Variants in CCDC178 observed in about 807,000 individuals in gnomAD.
The protein encoded by CCDC178 is coiled-coil domain containing 178.
CCDC178 carries 126 observed loss-of-function variants against 117.4 expected under a neutral mutation model. That is an observed-to-expected ratio of 1.07 (90% confidence interval 0.93 to 1.24). The LOEUF is 1.24. CCDC178 is among the 50% of genes most tolerant of loss of function. The pLI is 0.00. For missense variants in CCDC178, 1,030 were observed against 986.9 expected, an observed-to-expected ratio of 1.04 and a Z score of -0.59; for synonymous variants, 283 against 313.4, an observed-to-expected ratio of 0.90 and a Z score of 1.02.
At chr18:33,067,286 C>CA (rs2057033592) in intron 21 of CCDC178, among the ~76,000 whole-genome samples, 4 of 151,980 alleles carry the variant, frequency 2.6e-5, no homozygotes, top group Admixed American at 2.6e-4. Context: ...AGACAGATGT[C>CA]AAAAAATCTC....
intron 12 of CCDC178, among the ~76,000 whole-genome samples, chr18:33,292,687 A>G (rs866353941): frequency 6.6e-6 from 1 of 152,042 alleles, no homozygotes; most frequent in Admixed American, 6.6e-5. Context: ...CCCTTATAAA[A>G]ATGTACAATT....
At chr18:33,085,619 G>A (rs1277786837) in intron 21 of CCDC178, among the ~76,000 whole-genome samples, 1 of 152,110 alleles carries the variant, frequency 6.6e-6, no homozygotes, top group African/African-American at 2.4e-5. Context: ...GAGTTGTTCA[G>A]AGAATGAAAT....
chr18:32,990,199 A>G (rs1288965608), intron 21 of CCDC178, among the ~76,000 whole-genome samples: 4 of 152,136 alleles, frequency 2.6e-5, no homozygotes, highest in African/African-American at 4.8e-5. Flanking sequence ...ATTTTTCACA[A>G]ATTAATCTAC....
intron 21 of CCDC178, among the ~76,000 whole-genome samples, chr18:32,982,102 A>C (rs961906189): frequency 6.6e-6 from 1 of 152,118 alleles, no homozygotes; most frequent in African/African-American, 2.4e-5. Flanking sequence ...TCTGTGTCTT[A>C]CAGAACATAA....
At chr18:33,285,092 TTTC>T (rs966007722) in intron 12 of CCDC178, among the ~76,000 whole-genome samples, 2 of 152,128 alleles carry the variant, frequency 1.3e-5, no homozygotes, top group Admixed American at 6.5e-5. Flanking sequence ...CTAAAAATCG[TTTC>T]TTTTTAAATA....
In CCDC178 at chr18:33,115,587, A is replaced by G. The variant is rs144937371; in HGVS notation, c.2239-22677T>C. ...TTAGTAATCACCGAACAAAGATTGT[A>G]TTTTTCTTCATACAGCCTTAAAAAT... On this transcript the variant is annotated intron_variant, in intron 20 of 22. Transcript: ENST00000383096. 3.7e-3 allele frequency among the ~76,000 whole-genome samples: 560 copies of G among 152,090 alleles called. 8 individuals carry two copies. Among genetic ancestry groups the G allele is most frequent in the African/African-American group, 0.013 (547 of 41,522 alleles).
intron 21 of CCDC178, among the ~76,000 whole-genome samples, chr18:33,062,181 A>G (rs1161013935): frequency 1.3e-5 from 2 of 152,210 alleles, no homozygotes; most frequent in East Asian, 3.9e-4. Flanking sequence ...TTCTTCATCT[A>G]GCAAAACAGA....
At chr18:33,388,017 A>C (rs949656343) in intron 5 of CCDC178, among the ~76,000 whole-genome samples, 1 of 152,162 alleles carries the variant, frequency 6.6e-6, no homozygotes, top group African/African-American at 2.4e-5. Flanking sequence ...ATTTACAAGA[A>C]ATAAACAAAC....
chr18:33,084,741 G>A (rs1334083215), intron 21 of CCDC178, among the ~76,000 whole-genome samples: 2 of 151,586 alleles, frequency 1.3e-5, no homozygotes, highest in Non-Finnish European at 2.9e-5. Flanking sequence ...GAACCCAGAG[G>A]AGGAGGTTGC....
intron 21 of CCDC178, among the ~76,000 whole-genome samples, chr18:33,066,943 C>T (rs2057027207): frequency 6.6e-6 from 1 of 152,094 alleles, no homozygotes; most frequent in Non-Finnish European, 1.5e-5. Context: ...TTGGAAAAAT[C>T]ATCGAGACAA....
chr18:33,375,705 G>A (rs1181740485), intron 5 of CCDC178, among the ~76,000 whole-genome samples: 2 of 152,168 alleles, frequency 1.3e-5, no homozygotes, highest in Non-Finnish European at 2.9e-5. Flanking sequence ...GGAGCTTCAA[G>A]ATGGAAGAGA....
intron 20 of CCDC178, among the ~76,000 whole-genome samples, chr18:33,147,394 T>C (rs1370062027): frequency 7.3e-6 from 1 of 136,296 alleles, no homozygotes; most frequent in Non-Finnish European, 1.6e-5. Context: ...TATTTATTGA[T>C]CATTCTTGGG....
chr18:32,966,904 G>GTTA (rs2144675055), intron 22 of CCDC178, among the ~76,000 whole-genome samples: 1 of 151,732 alleles, frequency 6.6e-6, no homozygotes, highest in Admixed American at 6.6e-5. Flanking sequence ...GTTAATTATG[G>GTTA]TTAGAAAATA....
At chr18:33,005,458 G>A (rs188217977) in intron 21 of CCDC178, among the ~76,000 whole-genome samples, 5 of 151,960 alleles carry the variant, frequency 3.3e-5, no homozygotes, top group Non-Finnish European at 7.4e-5. Flanking sequence ...GTTACCAAAG[G>A]CTAGGAAGGT....
chr18:33,415,583 A>G (rs557515657), intron 2 of CCDC178, among the ~76,000 whole-genome samples: 53 of 152,224 alleles, frequency 3.5e-4, no homozygotes, highest in African/African-American at 1.3e-3. Context: ...GCATTAGGAG[A>G]TATACCTAAT....
chr18:33,330,695 C>A (rs913097147), intron 10 of CCDC178, among the ~76,000 whole-genome samples: 2 of 152,046 alleles, frequency 1.3e-5, no homozygotes, highest in Non-Finnish European at 2.9e-5. Flanking sequence ...AGTCCAAAAT[C>A]TGCAGGGTAG....
intron 12 of CCDC178, among the ~76,000 whole-genome samples, chr18:33,288,133 C>T (rs937194837): frequency 3.3e-5 from 5 of 152,106 alleles, no homozygotes; most frequent in African/African-American, 1.2e-4. Context: ...ACTCTCTACA[C>T]TCCAGGTCAC....
At chr18:33,131,554 T>C (rs1156726011) in intron 20 of CCDC178, among the ~76,000 whole-genome samples, 1 of 151,788 alleles carries the variant, frequency 6.6e-6, no homozygotes, top group Admixed American at 6.6e-5. Flanking sequence ...AATATAATGG[T>C]TTCTGAAATA....
chr18:32,964,024 A>AG (rs2054760770), intron 22 of CCDC178, among the ~76,000 whole-genome samples: 1 of 152,076 alleles, frequency 6.6e-6, no homozygotes, highest in African/African-American at 2.4e-5. Context: ...CATTTTACCC[A>AG]TATCAATCAA....
Sources: gnomAD v4.1 joint callset for allele counts (sites outside exome capture counted in the v4.1 genomes callset) on GRCh38, gnomAD v4.1.1 for gene constraint, MANE v1.5 for transcripts, NCBI Gene and HGNC (gene_info 2026-07-23, HGNC 2026-07-21) for gene names.